The following ELP4 variants were observed in gnomAD, a reference collection of about 807,000 sequenced individuals.
ELP4 encodes the protein elongator complex protein 4.
In ELP4, 51 loss-of-function variants were observed where a neutral mutation model predicts 48.9. The ratio of observed to expected loss-of-function variants is 1.04; its 90% CI spans 0.83 to 1.32. The LOEUF (loss-of-function observed/expected upper bound fraction) is 1.32. ELP4 is among the 40% of genes most tolerant of loss of function. The pLI, the probability that ELP4 is intolerant of heterozygous loss-of-function variation, is 0.00. For missense variants in ELP4, 519 were observed against 514.6 expected, an observed-to-expected ratio of 1.01 and a Z score of -0.08; for synonymous variants, 210 against 189.2, an observed-to-expected ratio of 1.11 and a Z score of -0.90.
At chr11:31,655,168 GCT>G (rs1377930948) in intron 9 of ELP4, among the ~76,000 whole-genome samples, 2 of 151,808 alleles carry the variant, frequency 1.3e-5, no homozygotes, top group African/African-American at 4.8e-5. Flanking sequence ...TCATGTTTAT[GCT>G]TTTATTCTCA....
At chr11:31,610,709 C>A (rs939538389) in intron 5 of ELP4, among the ~76,000 whole-genome samples, 21 of 152,172 alleles carry the variant, frequency 1.4e-4, no homozygotes, top group Admixed American at 3.9e-4. Flanking sequence ...GTTTTTACCT[C>A]CTTTCTGTCC....
intron 9 of ELP4, among the ~76,000 whole-genome samples, chr11:31,675,135 G>A (rs1322170801): frequency 6.6e-6 from 1 of 152,122 alleles, no homozygotes; most frequent in African/African-American, 2.4e-5. Context: ...TTAGCATGTA[G>A]GAAAAATCAT....
chr11:31,741,636 G>C (rs908844628), intron 9 of ELP4, among the ~76,000 whole-genome samples: 1 of 152,120 alleles, frequency 6.6e-6, no homozygotes, highest in African/African-American at 2.4e-5. Context: ...AGGCAAACAG[G>C]GTCTGGAGTG....
chr11:31,741,657 A>G (rs1271245270), intron 9 of ELP4, among the ~76,000 whole-genome samples: 1 of 152,180 alleles, frequency 6.6e-6, no homozygotes, highest in African/African-American at 2.4e-5. Flanking sequence ...GACCTCTAGC[A>G]AACTCCAACA....
At chr11:31,546,567 A>G (rs1209910158) in intron 3 of ELP4, among the ~76,000 whole-genome samples, 1 of 152,172 alleles carries the variant, frequency 6.6e-6, no homozygotes, top group Non-Finnish European at 1.5e-5. Context: ...TCAACATTAG[A>G]CAGATCAACG....
At chr11:31,566,593 G>T (rs77550395) in intron 3 of ELP4, among the ~76,000 whole-genome samples, 2 of 151,996 alleles carry the variant, frequency 1.3e-5, no homozygotes, top group African/African-American at 2.4e-5. Flanking sequence ...CACCATAATC[G>T]GGTAAAATAC....
At chr11:31,629,093 G>A (rs1244639226) in intron 6 of ELP4, among the ~76,000 whole-genome samples, 2 of 152,090 alleles carry the variant, frequency 1.3e-5, no homozygotes, top group Admixed American at 1.3e-4. Context: ...AGTAAGTAAA[G>A]TAGTGTAGCT....
intron 9 of ELP4, among the ~76,000 whole-genome samples, chr11:31,670,699 C>G (rs868296357): frequency 5.7e-4 from 87 of 152,088 alleles, no homozygotes; most frequent in African/African-American, 2.0e-3. Context: ...TTTGCGTTGC[C>G]CACAGTGTCA....
chr11:31,611,480 C>A (rs1021964500), intron 5 of ELP4, among the ~76,000 whole-genome samples: 14 of 152,068 alleles, frequency 9.2e-5, no homozygotes, highest in African/African-American at 3.1e-4. Flanking sequence ...CTAATCTGAT[C>A]GCTATCTCTC....
chr11:31,654,013 C>T (rs1945377494), intron 9 of ELP4: 1 of 151,542 alleles, frequency 6.6e-6, no homozygotes, highest in Admixed American at 6.6e-5. Context: ...TAATATTTTG[C>T]TATTTTGATT....
chr11:31,537,968 T>A (rs1464358168), intron 2 of ELP4, among the ~76,000 whole-genome samples: 1 of 152,216 alleles, frequency 6.6e-6, no homozygotes. Flanking sequence ...GTTTGAAGAT[T>A]TGAGTCTTCT....
chr11:31,725,960 T>A (rs1212627258), intron 9 of ELP4, among the ~76,000 whole-genome samples: 37 of 152,154 alleles, frequency 2.4e-4, no homozygotes, highest in Admixed American at 2.4e-3. Context: ...AGTAAAAAAA[T>A]TTTTTACATA....
At chr11:31,722,691 C>CTCTG (rs1269758178) in intron 9 of ELP4, among the ~76,000 whole-genome samples, 1 of 125,012 alleles carries the variant, frequency 8.0e-6, no homozygotes, top group Non-Finnish European at 1.6e-5. Context: ...CTCTCTCTCT[C>CTCTG]TCTCTGTCTC....
chr11:31,692,374 A>G (rs540636784), intron 9 of ELP4, among the ~76,000 whole-genome samples: 2 of 152,310 alleles, frequency 1.3e-5, no homozygotes, highest in East Asian at 1.9e-4. Flanking sequence ...TCTAGAATCT[A>G]AAAAACATTA....
chr11:31,530,724 A>C (rs1446734753), intron 2 of ELP4, among the ~76,000 whole-genome samples: 1 of 152,168 alleles, frequency 6.6e-6, no homozygotes, highest in African/African-American at 2.4e-5. Context: ...CAGATATTTG[A>C]AGACAGCTAT....
chr11:31,518,511 T>A (rs1251947480), intron 1 of ELP4, among the ~76,000 whole-genome samples: 3 of 151,046 alleles, frequency 2.0e-5, no homozygotes, highest in African/African-American at 7.3e-5. Flanking sequence ...TTTTTTTTTT[T>A]TTCTGAAACA....
intron 5 of ELP4, among the ~76,000 whole-genome samples, chr11:31,614,729 T>A (rs1321608530): frequency 6.6e-6 from 1 of 152,156 alleles, no homozygotes; most frequent in African/African-American, 2.4e-5. Flanking sequence ...CTGTGATATT[T>A]CCACCAAAAA....
At chr11:31,581,190 T>C (rs918173493) in intron 3 of ELP4, among the ~76,000 whole-genome samples, 1 of 152,198 alleles carries the variant, frequency 6.6e-6, no homozygotes, top group African/African-American at 2.4e-5. Flanking sequence ...GCTTGCTTCC[T>C]AGGTTGTCTA....
intron 9 of ELP4, among the ~76,000 whole-genome samples, chr11:31,676,962 A>G (rs1361720497): frequency 6.6e-6 from 1 of 152,196 alleles, no homozygotes; most frequent in Admixed American, 6.5e-5. Context: ...AAGTTGATAT[A>G]AAATTTTCTA....
Sources: allele counts gnomAD v4.1 joint callset (sites outside exome capture counted in the v4.1 genomes callset), GRCh38; gene constraint gnomAD v4.1.1; transcripts MANE v1.5; gene names NCBI Gene and HGNC (gene_info 2026-07-23, HGNC 2026-07-21).